CACNA2D3: variants seen among roughly 807,000 people sequenced by gnomAD.
CACNA2D3 encodes voltage-dependent calcium channel subunit alpha-2/delta-3.
CACNA2D3 carries 60 observed loss-of-function variants against 160.6 expected under a neutral mutation model. The ratio of observed to expected loss-of-function variants is 0.37; its 90% CI spans 0.30 to 0.46. CACNA2D3 has a LOEUF of 0.46. Ranked by LOEUF, CACNA2D3 falls within the 20% of genes least tolerant of loss-of-function variation. CACNA2D3 has a pLI of 1.00. For missense variants in CACNA2D3, 1,205 were observed against 1,365.0 expected (o/e 0.88, Z 1.85); for synonymous variants, 558 against 492.9 (o/e 1.13, Z -1.75).
At position 54,793,629 on chromosome 3, in the gene CACNA2D3, T is replaced by C. The variant is rs549721412; in HGVS notation, c.1381-23224T>C. On this transcript the variant is annotated intron_variant, in intron 13 of 37. Coordinates refer to ENST00000474759, the MANE Select transcript of CACNA2D3 (RefSeq NM_018398.3). ...TTACAGCCCTCGCCTAGAACTCTAA[T>C]GGATGAGGCCATCCCCCACGTAACT... Among the ~76,000 whole-genome samples, 3 of 152,322 alleles carry C rather than the reference T, an allele frequency of 2.0e-5. No individual in the cohort carries two copies. In the South Asian group the frequency reaches 6.2e-4, roughly 32 times the overall value.
At chr3:54,644,679 A>G (rs1699599967) in intron 11 of CACNA2D3, among the ~76,000 whole-genome samples, 1 of 152,254 alleles carries the variant, frequency 6.6e-6, no homozygotes, top group Non-Finnish European at 1.5e-5. Flanking sequence ...CCCATAAAAC[A>G]GTAGTTCTCA....
At chr3:54,960,143 C>T (rs1701996972) in intron 27 of CACNA2D3, among the ~76,000 whole-genome samples, 1 of 150,982 alleles carries the variant, frequency 6.6e-6, no homozygotes, top group African/African-American at 2.4e-5. Context: ...GGCCTTCCTA[C>T]ACTGGTTCCC....
intron 2 of CACNA2D3, among the ~76,000 whole-genome samples, chr3:54,296,385 C>G (rs1465373699): frequency 6.6e-6 from 1 of 152,170 alleles, no homozygotes; most frequent in Non-Finnish European, 1.5e-5. Flanking sequence ...TTTCTCATTT[C>G]TCACCCTTGG....
intron 35 of CACNA2D3, among the ~76,000 whole-genome samples, chr3:55,064,231 C>G (rs1287083121): frequency 6.6e-6 from 1 of 152,240 alleles, no homozygotes; most frequent in Non-Finnish European, 1.5e-5. Context: ...TGGGGCACAG[C>G]CAGTCTACAA....
intron 29 of CACNA2D3, among the ~76,000 whole-genome samples, chr3:54,984,247 C>T (rs1212307961): frequency 1.3e-5 from 2 of 151,944 alleles, no homozygotes; most frequent in Admixed American, 6.6e-5. Context: ...ACCGCCAATA[C>T]AGGCTTGGGG....
chr3:54,981,925 G>A (rs1335334396), intron 29 of CACNA2D3, among the ~76,000 whole-genome samples: 1 of 152,200 alleles, frequency 6.6e-6, no homozygotes, highest in East Asian at 1.9e-4. Flanking sequence ...AAAGGAGAGA[G>A]AGCAAAGCAC....
chr3:54,941,576 C>G (rs1244412815), intron 27 of CACNA2D3, among the ~76,000 whole-genome samples: 1 of 152,174 alleles, frequency 6.6e-6, no homozygotes, highest in Non-Finnish European at 1.5e-5. Flanking sequence ...TTTTCAATAT[C>G]TATCATTGCT....
chr3:54,301,071 A>G (rs1021985744), intron 2 of CACNA2D3, among the ~76,000 whole-genome samples: 15 of 151,962 alleles, frequency 9.9e-5, no homozygotes, highest in Non-Finnish European at 2.2e-4. Context: ...CCTGGGCGAC[A>G]TAGTGAGATC....
intron 25 of CACNA2D3, among the ~76,000 whole-genome samples, chr3:54,896,379 T>C (rs1700189169): frequency 2.6e-5 from 4 of 152,156 alleles, no homozygotes; most frequent in Admixed American, 2.0e-4. Flanking sequence ...CTCCCAAGGG[T>C]ATGAGTATAT....
rs1025166556 is a variant in CACNA2D3, at chr3:54,320,683, T to C, written c.321+125T>C. On this transcript the variant is annotated intron_variant, in intron 3 of 37. Coordinates refer to ENST00000474759, the MANE Select transcript of CACNA2D3 (RefSeq NM_018398.3). ...CACGCATCTATTACGTAAATACTTT[T>C]ATTTTTACAGTCTGGTTAGCCAGGA... is the stretch of plus-strand genomic sequence containing the variant. 4 of 532,302 alleles carry C rather than the reference T, an allele frequency of 7.5e-6. No individual in the cohort carries two copies. In the African/African-American group the frequency reaches 7.9e-5, roughly 10 times the overall value. 33.0% of individuals were successfully genotyped at this position (532,302 alleles called of 1,614,324 possible).
chr3:54,886,112 A>G (rs929278720), intron 23 of CACNA2D3, among the ~76,000 whole-genome samples: 9 of 151,972 alleles, frequency 5.9e-5, no homozygotes, highest in Non-Finnish European at 1.3e-4. Context: ...AAGAGGGAAG[A>G]GCAGTGGCAG....
chr3:54,905,553 A>C (rs2106899643), intron 27 of CACNA2D3, among the ~76,000 whole-genome samples: 1 of 152,360 alleles, frequency 6.6e-6, no homozygotes, highest in South Asian at 2.1e-4. Context: ...AAATCTGAGC[A>C]AAGGAACTGT....
At chr3:54,930,498 C>T (rs1701159163) in intron 27 of CACNA2D3, among the ~76,000 whole-genome samples, 1 of 152,168 alleles carries the variant, frequency 6.6e-6, no homozygotes, top group Non-Finnish European at 1.5e-5. Flanking sequence ...CAGCTGGGAT[C>T]CAGATATCTT....
At chr3:54,259,580 A>G (rs1383316770) in intron 2 of CACNA2D3, among the ~76,000 whole-genome samples, 3 of 152,210 alleles carry the variant, frequency 2.0e-5, no homozygotes, top group Admixed American at 2.0e-4. Flanking sequence ...CTCTTCCAGA[A>G]GGATACAGCT....
intron 5 of CACNA2D3, among the ~76,000 whole-genome samples, chr3:54,524,159 C>G (rs1470177411): frequency 2.0e-5 from 3 of 152,018 alleles, no homozygotes; most frequent in Non-Finnish European, 2.9e-5. Flanking sequence ...TTTCTCTAAA[C>G]ACTGCTGTAA....
chr3:54,789,759 A>AATTTAG (rs1205813248), intron 13 of CACNA2D3: 5 of 466,160 alleles, frequency 1.1e-5, no homozygotes, highest in Non-Finnish European at 2.2e-5. Flanking sequence ...TCTAAACCAA[A>AATTTAG]ATTTAGATTT....
chr3:54,923,590 G>C (rs1440022720), intron 27 of CACNA2D3, among the ~76,000 whole-genome samples: 1 of 152,144 alleles, frequency 6.6e-6, no homozygotes, highest in Non-Finnish European at 1.5e-5. Context: ...TCTACTACCA[G>C]AATGGAATCT....
At chr3:54,258,170 T>C (rs1702335661) in intron 2 of CACNA2D3, among the ~76,000 whole-genome samples, 1 of 152,222 alleles carries the variant, frequency 6.6e-6, no homozygotes, top group South Asian at 2.1e-4. Context: ...AGTACACCAG[T>C]ACTTCTAGGA....
chr3:54,809,328 T>TTTTTTTTTTTTTTTTTTTTTG (rs1559590286), intron 13 of CACNA2D3, among the ~76,000 whole-genome samples: 1 of 120,902 alleles, frequency 8.3e-6, no homozygotes. Context: ...TTTTTTTTTT[T>TTTTTTTTTTTTTTTTTTTTTG]TGAGACGGAG....
Sources: allele counts gnomAD v4.1 joint callset (sites outside exome capture counted in the v4.1 genomes callset), GRCh38; gene constraint gnomAD v4.1.1; transcripts MANE v1.5; gene names NCBI Gene and HGNC (gene_info 2026-07-23, HGNC 2026-07-21).